The following OSCP1 variants were observed in gnomAD, a reference collection of about 807,000 sequenced individuals.
OSCP1 encodes protein OSCP1.
OSCP1 carries 35 observed loss-of-function variants against 45.1 expected under a neutral mutation model. The ratio of observed to expected loss-of-function variants is 0.78; its 90% CI spans 0.59 to 1.03. The LOEUF is 1.03. Among genes scored for constraint, OSCP1 ranks in the 50% least tolerant of loss-of-function variants. The pLI is 0.00. For missense variants in OSCP1, 400 were observed against 470.7 expected (o/e 0.85, Z 1.39); for synonymous variants, 179 against 180.1 (o/e 0.99, Z 0.05).
chr1:36,432,160 T>G (rs1201663325), intron 3 of OSCP1, among the ~76,000 whole-genome samples: 3 of 152,118 alleles, frequency 2.0e-5, no homozygotes, highest in African/African-American at 7.2e-5. Context: ...CACCACCAAG[T>G]CCCTTTCCGA....
intron 1 of OSCP1, among the ~76,000 whole-genome samples, chr1:36,440,465 G>C (rs953185427): frequency 3.9e-5 from 6 of 152,188 alleles, no homozygotes; most frequent in Non-Finnish European, 7.3e-5. Context: ...TTGACCTTTA[G>C]ATTTTACACT....
intron 1 of OSCP1, among the ~76,000 whole-genome samples, chr1:36,444,746 A>T (rs1302585469): frequency 6.6e-6 from 1 of 152,094 alleles, no homozygotes; most frequent in Non-Finnish European, 1.5e-5. Context: ...GAGAATCAAG[A>T]CTCTATGGGT....
chr1:36,427,388 C>T (rs1018660231), intron 4 of OSCP1, among the ~76,000 whole-genome samples: 2 of 149,036 alleles, frequency 1.3e-5, no homozygotes, highest in African/African-American at 5.0e-5. Context: ...GCCTTGAAAT[C>T]CTAGGCTCAA....
In OSCP1 at chr1:36,438,920, CAA is replaced by C; in HGVS notation, c.113-12_113-11del. The stretch of plus-strand genomic sequence containing the variant: ...ATGATGTCATTCAGAACTGCAGAGA[CAA>C]GAGAGAACACAGCTGAGCAAAGTAC... On this transcript the variant is annotated splice_polypyrimidine_tract_variant and intron_variant, in intron 1 of 9. Coordinates refer to ENST00000235532, the MANE Select transcript of OSCP1 (RefSeq NM_145047.5). 1.9e-6 allele frequency: 3 copies of C among 1,612,586 alleles called. No individual in the cohort carries two copies. Among genetic ancestry groups the C allele is most frequent in the East Asian group, 2.2e-5 (1 of 44,868 alleles).
At chr1:36,436,422 T>C (rs1225972453) in intron 2 of OSCP1, among the ~76,000 whole-genome samples, 1 of 152,146 alleles carries the variant, frequency 6.6e-6, no homozygotes, top group Non-Finnish European at 1.5e-5. Flanking sequence ...CTCTATTTTT[T>C]TAGAGACAGG....
chr1:36,443,762 TCA>T (rs1369399886), intron 1 of OSCP1, among the ~76,000 whole-genome samples: 2 of 152,230 alleles, frequency 1.3e-5, no homozygotes, highest in Non-Finnish European at 2.9e-5. Flanking sequence ...GACATATCCC[TCA>T]AGTACAGTGT....
intron 1 of OSCP1, among the ~76,000 whole-genome samples, chr1:36,444,471 C>T (rs1389138226): frequency 6.7e-6 from 1 of 148,974 alleles, no homozygotes; most frequent in East Asian, 2.0e-4. Context: ...CTTTTCTTTT[C>T]TTTTTTTTTT....
At chr1:36,438,715 A>C in intron 2 of OSCP1, 41 bp downstream of exon 2, 1 of 1,568,772 alleles carries the variant, frequency 6.4e-7, no homozygotes, top group South Asian at 1.2e-5. Flanking sequence ...CAAAAGGTAC[A>C]AAAAATGCAA....
chr1:36,437,672 C>T (rs1016601720), intron 2 of OSCP1, among the ~76,000 whole-genome samples: 4 of 152,100 alleles, frequency 2.6e-5, no homozygotes, highest in Non-Finnish European at 5.9e-5. Context: ...GTGCATGCCA[C>T]CACACCCAGC....
intron 1 of OSCP1, among the ~76,000 whole-genome samples, chr1:36,444,471 C>CTT (rs879860561): frequency 1.4e-4 from 21 of 149,078 alleles, no homozygotes; most frequent in African/African-American, 4.7e-4. Context: ...CTTTTCTTTT[C>CTT]TTTTTTTTTT....
intron 4 of OSCP1, among the ~76,000 whole-genome samples, chr1:36,423,869 A>G (rs1442048991): frequency 6.6e-6 from 1 of 152,010 alleles, no homozygotes; most frequent in African/African-American, 2.4e-5. Flanking sequence ...GTAAGACTTC[A>G]TCTCAAAAAA....
At chr1:36,426,758 T>A (rs891171422) in intron 4 of OSCP1, among the ~76,000 whole-genome samples, 6 of 152,236 alleles carry the variant, frequency 3.9e-5, no homozygotes, top group Non-Finnish European at 8.8e-5. Flanking sequence ...CAGGCTGTAG[T>A]GCAGTGGTGC....
At chr1:36,446,305 G>T (rs1649533528) in intron 1 of OSCP1, among the ~76,000 whole-genome samples, 1 of 152,252 alleles carries the variant, frequency 6.6e-6, no homozygotes, top group Non-Finnish European at 1.5e-5. Flanking sequence ...ATATAGGCGT[G>T]AGCCACTGCG....
chr1:36,442,185 C>T (rs1256251475), intron 1 of OSCP1, among the ~76,000 whole-genome samples: 2 of 150,400 alleles, frequency 1.3e-5, no homozygotes, highest in South Asian at 2.1e-4. Context: ...GGGATCGCTC[C>T]ATTGCACTCC....
chr1:36,439,023 C>A, intron 1 of OSCP1, 113 bp from the exon 2 acceptor site: 1 of 1,212,054 alleles, frequency 8.3e-7, no homozygotes, highest in Non-Finnish European at 1.1e-6. Context: ...AATTGGGATG[C>A]TGTATGCTTG....
chr1:36,432,614 G>A (rs1377620048), intron 2 of OSCP1, 25 bp from the exon 3 acceptor site: 1 of 1,613,752 alleles, frequency 6.2e-7, no homozygotes, highest in African/African-American at 1.3e-5. Flanking sequence ...ACAAGCAAAA[G>A]AAATGGGATC....
intron 2 of OSCP1, among the ~76,000 whole-genome samples, chr1:36,437,066 A>G (rs1648796100): frequency 6.6e-6 from 1 of 152,176 alleles, no homozygotes; most frequent in African/African-American, 2.4e-5. Flanking sequence ...TACCTTGACC[A>G]TCCGGTTGGG....
intron 4 of OSCP1, among the ~76,000 whole-genome samples, chr1:36,424,371 G>A (rs1647840065): frequency 6.6e-6 from 1 of 152,222 alleles, no homozygotes; most frequent in Non-Finnish European, 1.5e-5. Flanking sequence ...GCAGGGCCAG[G>A]ATTCAAAACC....
intron 1 of OSCP1, among the ~76,000 whole-genome samples, chr1:36,449,775 T>C (rs1487795896): frequency 1.5e-5 from 2 of 131,298 alleles, no homozygotes; most frequent in Non-Finnish European, 3.0e-5. Flanking sequence ...AGGCAGAGGT[T>C]GCAGTGAGCC....
Sources: gnomAD v4.1 joint callset for allele counts (sites outside exome capture counted in the v4.1 genomes callset) on GRCh38, gnomAD v4.1.1 for gene constraint, MANE v1.5 for transcripts, NCBI Gene and HGNC (gene_info 2026-07-23, HGNC 2026-07-21) for gene names.